CDH12: variants seen among roughly 807,000 people sequenced by gnomAD.
CDH12 encodes the protein cadherin-12.
Under a neutral mutation model 74.1 loss-of-function variants are expected in CDH12, and 41 were observed. The ratio of observed to expected loss-of-function variants is 0.55; its 90% CI spans 0.43 to 0.72. CDH12 has a LOEUF of 0.72. CDH12 is among the 30% of genes least tolerant of loss of function. The pLI, the probability that CDH12 is intolerant of heterozygous loss-of-function variation, is 0.00. For missense variants in CDH12, 945 were observed against 977.2 expected (o/e 0.97, Z 0.44); for synonymous variants, 399 against 355.0 (o/e 1.12, Z -1.39).
intron 3 of CDH12, among the ~76,000 whole-genome samples, chr5:22,248,313 A>C (rs1009113370): frequency 6.6e-6 from 1 of 151,926 alleles, no homozygotes; most frequent in Non-Finnish European, 1.5e-5. Flanking sequence ...AATAATAATA[A>C]TAATAGTAAT....
chr5:22,683,346 G>A (rs1030305984), intron 1 of CDH12, among the ~76,000 whole-genome samples: 2 of 152,060 alleles, frequency 1.3e-5, no homozygotes, highest in African/African-American at 2.4e-5. Context: ...AGTCCTCACC[G>A]GAGGAGATTC....
chr5:22,744,211 C>G (rs191663775), intron 1 of CDH12, among the ~76,000 whole-genome samples: 4 of 152,102 alleles, frequency 2.6e-5, no homozygotes, highest in Middle Eastern at 3.4e-3. Context: ...GGGCGGATCA[C>G]GAGGTCAGGA....
At chr5:21,846,304 G>A (rs915431727) in intron 7 of CDH12, among the ~76,000 whole-genome samples, 3 of 152,004 alleles carry the variant, frequency 2.0e-5, no homozygotes, top group East Asian at 3.9e-4. Context: ...AAACCCATTC[G>A]GGTGCCCTCT....
At chr5:21,996,104 CGTTTTTTTTTTTTTTT>C (rs1325909242) in intron 5 of CDH12, among the ~76,000 whole-genome samples, 1 of 121,798 alleles carries the variant, frequency 8.2e-6, no homozygotes, top group African/African-American at 3.7e-5. Context: ...TTCACACACA[CGTTTTTTTTTTTTTTT>C]TTTTTTTTTT....
intron 11 of CDH12, among the ~76,000 whole-genome samples, chr5:21,776,225 C>A (rs903441479): frequency 4.2e-4 from 64 of 152,120 alleles, no homozygotes; most frequent in Non-Finnish European, 6.2e-4. Context: ...AGTTGCTCGT[C>A]CAACAGCCTA....
intron 3 of CDH12, among the ~76,000 whole-genome samples, chr5:22,382,697 G>A (rs1379328043): frequency 6.6e-6 from 1 of 152,046 alleles, no homozygotes; most frequent in African/African-American, 2.4e-5. Context: ...TTAACCGGAA[G>A]CATCCCTTTA....
intron 3 of CDH12, among the ~76,000 whole-genome samples, chr5:22,291,963 C>T (rs1446192737): frequency 2.0e-5 from 3 of 152,060 alleles, no homozygotes; most frequent in Non-Finnish European, 2.9e-5. Flanking sequence ...AACTACAAAG[C>T]TACTGTTGTA....
At chr5:21,780,578 G>A (rs1745850999) in intron 11 of CDH12, among the ~76,000 whole-genome samples, 1 of 152,196 alleles carries the variant, frequency 6.6e-6, no homozygotes, top group African/African-American at 2.4e-5. Flanking sequence ...TGTATGAATA[G>A]GAAGGTTTAG....
chr5:21,921,764 T>C (rs541668145), intron 6 of CDH12, among the ~76,000 whole-genome samples: 1 of 152,222 alleles, frequency 6.6e-6, no homozygotes, highest in African/African-American at 2.4e-5. Context: ...TTCTACTGAC[T>C]TGAAAATGAA....
chr5:22,466,427 G>T (rs980487724), intron 2 of CDH12, among the ~76,000 whole-genome samples: 3 of 152,156 alleles, frequency 2.0e-5, no homozygotes, highest in Admixed American at 6.5e-5. Flanking sequence ...GAGCAAAAAA[G>T]GTGAGTATGT....
rs1264018418 is a variant in CDH12 at position 21,964,357 on chromosome 5, A to G, written c.526+10734T>C. On this transcript the variant is annotated intron_variant, in intron 6 of 14. Coordinates refer to ENST00000382254, the MANE Select transcript of CDH12 (RefSeq NM_004061.5). ...TTACCAGCTAAGTTTTACACAAGGA[A>G]GCACTTTCCTAAACACTTCCCCATC... 1.6e-4 allele frequency among the ~76,000 whole-genome samples: 25 copies of G among 152,050 alleles called. 1 individual carries two copies. The highest frequency in any genetic ancestry group is 1.6e-3 in the Admixed American group (25 of 15,228).
intron 1 of CDH12, among the ~76,000 whole-genome samples, chr5:22,721,084 A>T (rs781188176): frequency 2.2e-4 from 34 of 152,224 alleles, no homozygotes; most frequent in Non-Finnish European, 4.0e-4. Flanking sequence ...CATGTCAGAG[A>T]TCTTTTGTGT....
At chr5:22,361,220 A>C (rs1254924386) in intron 3 of CDH12, among the ~76,000 whole-genome samples, 1 of 152,202 alleles carries the variant, frequency 6.6e-6, no homozygotes, top group African/African-American at 2.4e-5. Flanking sequence ...CTGATAAGCA[A>C]CTTCAGCAAA....
chr5:22,461,442 C>A (rs528906075), intron 2 of CDH12, among the ~76,000 whole-genome samples: 40 of 147,610 alleles, frequency 2.7e-4, no homozygotes, highest in Middle Eastern at 7.1e-3. Flanking sequence ...TGAAGTCAAC[C>A]AATTAAACAC....
intron 3 of CDH12, among the ~76,000 whole-genome samples, chr5:22,354,708 A>T (rs1171594437): frequency 6.6e-6 from 1 of 152,178 alleles, no homozygotes; most frequent in African/African-American, 2.4e-5. Context: ...AATGAATTTC[A>T]TTGGGGAAAA....
chr5:21,961,050 C>T (rs992163630), intron 6 of CDH12, among the ~76,000 whole-genome samples: 5 of 151,746 alleles, frequency 3.3e-5, no homozygotes, highest in Admixed American at 1.3e-4. Flanking sequence ...TGAAATTAGA[C>T]TACATTAGTT....
intron 2 of CDH12, among the ~76,000 whole-genome samples, chr5:22,483,504 G>C (rs1014272802): frequency 2.0e-5 from 3 of 151,246 alleles, no homozygotes; most frequent in African/African-American, 7.3e-5. Context: ...TTAAGTGATA[G>C]ATAGTTGCTG....
In CDH12 at chr5:22,466,368, G is replaced by A. The variant is rs180907137; in HGVS notation, c.-428+38902C>T. 2.5e-3 allele frequency among the ~76,000 whole-genome samples: 388 copies of A among 152,222 alleles called. 2 individuals are homozygous for A. The highest frequency in any genetic ancestry group is 3.4e-3 in the Middle Eastern group (1 of 294). Reference sequence around the variant, plus strand: ...CACATATGTTTATGGGCCAGTGATCGCCCCAAAGCTGAACTGGGATGTACA... The same window carrying A: ...CACATATGTTTATGGGCCAGTGATCACCCCAAAGCTGAACTGGGATGTACA... On this transcript the variant is annotated intron_variant, in intron 2 of 14. Transcript: ENST00000382254.
chr5:22,135,878 GA>G (rs1166138888), intron 4 of CDH12, among the ~76,000 whole-genome samples: 1 of 151,762 alleles, frequency 6.6e-6, no homozygotes, highest in Non-Finnish European at 1.5e-5. Flanking sequence ...TACATTTTGG[GA>G]GAGCAATGTT....
Sources: allele counts gnomAD v4.1 joint callset (sites outside exome capture counted in the v4.1 genomes callset), GRCh38; gene constraint gnomAD v4.1.1; transcripts MANE v1.5; gene names NCBI Gene and HGNC (gene_info 2026-07-23, HGNC 2026-07-21).